UPF2: variants seen among roughly 807,000 people sequenced by gnomAD.
UPF2 encodes the protein regulator of nonsense transcripts 2.
In UPF2, 17 loss-of-function variants were observed where a neutral mutation model predicts 141.4. That is an observed-to-expected ratio of 0.12 (90% confidence interval 0.08 to 0.18). The LOEUF (loss-of-function observed/expected upper bound fraction) is 0.18. Among genes scored for constraint, UPF2 ranks in the 10% least tolerant of loss-of-function variants. The pLI is 1.00. For missense variants in UPF2, 1,152 were observed against 1,515.9 expected (o/e 0.76, Z 3.99); for synonymous variants, 540 against 498.0 (o/e 1.08, Z -1.12).
In UPF2 at chr10:12,014,681, GAACT is replaced by G. The variant is rs1308355536; in HGVS notation, c.1146-501_1146-498del. Among the ~76,000 whole-genome samples the G allele has an allele frequency of 1.3e-5, 2 of 152,108 alleles. No homozygotes were observed. Among genetic ancestry groups the G allele is most frequent in the African/African-American group, 2.4e-5 (1 of 41,486 alleles). ...CTGTCATACTCCCCTCAGACATACA[GAACT>G]AACCAAAAATATTTAACACAACTAC... On this transcript the variant is annotated intron_variant, in intron 3 of 21. Transcript: ENST00000357604. The surrounding 1 kb of genome is among the most constrained non-coding windows in gnomAD (Gnocchi z 5.0).
chr10:11,967,545 A>ATTTTTTT, intron 9 of UPF2, 91 bp from the exon 10 acceptor site: 1 of 389,192 alleles, frequency 2.6e-6, no homozygotes, highest in Non-Finnish European at 4.3e-6. Flanking sequence ...AATTCACTCC[A>ATTTTTTT]GTTTTTTTTT....
intron 3 of UPF2, among the ~76,000 whole-genome samples, chr10:12,024,920 A>C (rs1187907173): frequency 9.9e-6 from 1 of 101,222 alleles, no homozygotes; most frequent in Admixed American, 1.5e-4. Context: ...GGTAAGAGGG[A>C]GACCCTGTTA....
chr10:12,019,250 A>G lies in UPF2; in HGVS notation c.1146-5066T>C, dbSNP rs1349743649. 6.6e-6 allele frequency among the ~76,000 whole-genome samples: 1 copy of G among 152,236 alleles called. No homozygotes were observed. The highest frequency in any genetic ancestry group is 2.4e-5 in the African/African-American group (1 of 41,468). ...GCTGAAACTACTCAACTCTGCTAAC[A>G]TAACACAAAAGCTGCCACAGACAAT... On this transcript the variant is annotated intron_variant, in intron 3 of 21. Transcript: ENST00000357604. This position sits in a 1 kb window ranked among gnomAD's most constrained non-coding sequence, Gnocchi z 4.5.
At chr10:12,022,754 G>C (rs539115561) in intron 3 of UPF2, among the ~76,000 whole-genome samples, 1 of 152,296 alleles carries the variant, frequency 6.6e-6, no homozygotes, top group South Asian at 2.1e-4. Context: ...TGGAAGGAAA[G>C]TGAAAGTAAA....
intron 8 of UPF2, among the ~76,000 whole-genome samples, chr10:11,983,282 C>T (rs1214887443): frequency 6.6e-6 from 1 of 152,188 alleles, no homozygotes; most frequent in Admixed American, 6.5e-5. Context: ...GTTACTTACT[C>T]TCCTACTGAT....
intron 3 of UPF2, among the ~76,000 whole-genome samples, chr10:12,020,736 T>C (rs562109957): frequency 6.6e-6 from 1 of 152,356 alleles, no homozygotes; most frequent in South Asian, 2.1e-4. Context: ...ACAGAACTAT[T>C]GTTATGCCCA....
At chr10:11,986,082 C>T (rs1401364628) in intron 8 of UPF2, among the ~76,000 whole-genome samples, 1 of 151,546 alleles carries the variant, frequency 6.6e-6, no homozygotes, top group East Asian at 1.9e-4. Context: ...GACGGGGTTT[C>T]ACCGTGATAG....
intron 15 of UPF2, among the ~76,000 whole-genome samples, chr10:11,948,928 G>GA (rs1833039742): frequency 6.6e-6 from 1 of 152,160 alleles, no homozygotes; most frequent in African/African-American, 2.4e-5. Context: ...CAAAAGACAT[G>GA]AAAAAAATCG....
intron 13 of UPF2, 97 bp from the exon 14 acceptor site, chr10:11,955,604 G>A: frequency 8.5e-7 from 1 of 1,177,670 alleles, no homozygotes; most frequent in East Asian, 2.4e-5. Context: ...ATCTATTACT[G>A]AAAGAACACT....
chr10:12,031,245 A>T (rs1011519635), intron 2 of UPF2, among the ~76,000 whole-genome samples: 1 of 152,186 alleles, frequency 6.6e-6, no homozygotes, highest in East Asian at 1.9e-4. Flanking sequence ...ACATTAGCCA[A>T]ACCTTTAACA....
At chr10:12,038,987 G>A (rs1436822032) in intron 1 of UPF2, among the ~76,000 whole-genome samples, 1 of 152,068 alleles carries the variant, frequency 6.6e-6, no homozygotes, top group African/African-American at 2.4e-5. Context: ...TTATCTAGAA[G>A]TGTAGTTATT....
chr10:11,949,872 C>T (rs1833051385), intron 15 of UPF2, among the ~76,000 whole-genome samples: 1 of 152,100 alleles, frequency 6.6e-6, no homozygotes, highest in Admixed American at 6.5e-5. Context: ...ATATTATTTA[C>T]AGTGGTATAA....
At chr10:11,961,890 CTG>C in intron 11 of UPF2, among the ~76,000 whole-genome samples, 1 of 152,266 alleles carries the variant, frequency 6.6e-6, no homozygotes, top group Middle Eastern at 3.4e-3. Context: ...AGTTTCATAA[CTG>C]TTTCTCTTGT....
At chr10:12,033,292 T>C (rs537971039) in intron 2 of UPF2, among the ~76,000 whole-genome samples, 13 of 152,072 alleles carry the variant, frequency 8.5e-5, no homozygotes, top group African/African-American at 2.7e-4. Flanking sequence ...TCTCAACACT[T>C]TGGGAGGCTG....
chr10:11,967,110 TTGACA>T, intron 10 of UPF2, among the ~76,000 whole-genome samples: 1 of 152,244 alleles, frequency 6.6e-6, no homozygotes, highest in Admixed American at 6.5e-5. Context: ...AGGCTTTTAC[TTGACA>T]TATTTCACCC....
At chr10:11,927,410 C>G (rs1832726599) in intron 21 of UPF2, among the ~76,000 whole-genome samples, 1 of 152,162 alleles carries the variant, frequency 6.6e-6, no homozygotes, top group Non-Finnish European at 1.5e-5. Context: ...TTGGCAAAAA[C>G]CGCATTACTT....
intron 8 of UPF2, among the ~76,000 whole-genome samples, chr10:11,988,530 C>T (rs148883316): frequency 2.0e-5 from 3 of 152,280 alleles, no homozygotes; most frequent in Non-Finnish European, 4.4e-5. Flanking sequence ...GTCTCAGACT[C>T]CTGGCTTTAG....
intron 16 of UPF2, 110 bp from the exon 17 acceptor site, chr10:11,943,278 T>A: frequency 1.0e-6 from 1 of 956,168 alleles, no homozygotes; most frequent in South Asian, 1.6e-5. Flanking sequence ...TATTCTCAAG[T>A]TTTAGCTCTT....
Position 11,953,345 on chromosome 10 carries a change from G to T in UPF2, c.2851-1096C>A, listed in dbSNP as rs1349923460. Among the ~76,000 whole-genome samples, 1 of 152,076 alleles carries T rather than the reference G, an allele frequency of 6.6e-6. No homozygotes were observed. The highest frequency in any genetic ancestry group is 2.4e-5 in the African/African-American group (1 of 41,412). On this transcript the variant is annotated intron_variant, in intron 14 of 21. Coordinates refer to ENST00000357604, the MANE Select transcript of UPF2 (RefSeq NM_015542.4). The surrounding 1 kb of genome is among the most constrained non-coding windows in gnomAD (Gnocchi z 5.0). ...TCTGCATCTTTACAAAGTCCCCAGG[G>T]GACATGGATGCACAGGAAAGTTTAA...
Sources: gnomAD v4.1 joint callset for allele counts (sites outside exome capture counted in the v4.1 genomes callset) on GRCh38, gnomAD v4.1.1 for gene constraint, Gnocchi (gnomAD v3.1) non-coding constraint, MANE v1.5 for transcripts, NCBI Gene and HGNC (gene_info 2026-07-23, HGNC 2026-07-21) for gene names.